TCF4: variants seen among roughly 807,000 people sequenced by gnomAD.
TCF4 encodes SL3-3 enhancer factor 2.
TCF4 carries 3 observed loss-of-function variants against 82.1 expected under a neutral mutation model. The observed-to-expected ratio is 0.04, with a 90% confidence interval of 0.02 to 0.09. TCF4 has a LOEUF of 0.09. Among genes scored for constraint, TCF4 ranks in the 10% least tolerant of loss-of-function variants. The pLI is 1.00. For missense variants in TCF4, 518 were observed against 852.7 expected, an observed-to-expected ratio of 0.61 and a Z score of 4.89; for synonymous variants, 276 against 309.6, an observed-to-expected ratio of 0.89 and a Z score of 1.14.
At chr18:55,305,720 C>T (rs951614871) in intron 8 of TCF4, among the ~76,000 whole-genome samples, 1 of 152,188 alleles carries the variant, frequency 6.6e-6, no homozygotes, top group Admixed American at 6.5e-5. Flanking sequence ...TCCTCTGCCC[C>T]AGTTTTCAGC....
chr18:55,473,090 T>A (rs1359228512), intron 3 of TCF4, among the ~76,000 whole-genome samples: 1 of 152,232 alleles, frequency 6.6e-6, no homozygotes, highest in Non-Finnish European at 1.5e-5. Context: ...ACTTCAGATA[T>A]ACAAACTGGT....
intron 2 of TCF4, among the ~76,000 whole-genome samples, chr18:55,597,666 CAA>C (rs1044304302): frequency 7.9e-6 from 1 of 126,992 alleles, no homozygotes; most frequent in Admixed American, 8.0e-5. Flanking sequence ...GACTCTGTCT[CAA>C]AAAAAAAAAG....
intron 3 of TCF4, among the ~76,000 whole-genome samples, chr18:55,568,909 T>C (rs1859017576): frequency 6.6e-6 from 1 of 152,166 alleles, no homozygotes; most frequent in African/African-American, 2.4e-5. Flanking sequence ...ATTAATTTCA[T>C]CCACAAAATG....
intron 2 of TCF4, among the ~76,000 whole-genome samples, chr18:55,622,503 T>TAAAA (rs765415861): frequency 1.8e-5 from 2 of 110,568 alleles, no homozygotes; most frequent in Non-Finnish European, 1.9e-5. Flanking sequence ...GACTCAATCT[T>TAAAA]AAAAAAAAAA....
At chr18:55,586,130 A>G in intron 2 of TCF4, 1 of 1,442,418 alleles carries the variant, frequency 6.9e-7, no homozygotes, top group Admixed American at 2.1e-5. Flanking sequence ...GAGGAGGAGG[A>G]GGAGAAGGAG....
intron 3 of TCF4, among the ~76,000 whole-genome samples, chr18:55,571,493 T>TA (rs1215534134): frequency 6.6e-6 from 1 of 152,184 alleles, no homozygotes; most frequent in African/African-American, 2.4e-5. Flanking sequence ...CTCCAGTACT[T>TA]ATGTTGGTGG....
chr18:55,619,091 C>T (rs2097715124), intron 2 of TCF4, among the ~76,000 whole-genome samples: 1 of 151,996 alleles, frequency 6.6e-6, no homozygotes, highest in Non-Finnish European at 1.5e-5. Flanking sequence ...GCAAAGCTAT[C>T]TGGATTTGTG....
rs2046378592 is a variant in TCF4 at position 55,224,814 on chromosome 18, T to C, written c.*3221A>G. 1 of 152,584 alleles carries C rather than the reference T, an allele frequency of 6.6e-6. No individual in the cohort carries two copies. The highest frequency in any genetic ancestry group is 2.4e-5 in the African/African-American group (1 of 41,440). 9.5% of individuals were successfully genotyped at this position (152,584 alleles called of 1,614,324 possible). The stretch of plus-strand genomic sequence containing the variant: ...GATGAACAGATCCCTATTCTGCATA[T>C]TCATAAATTACTTGAATGTGGAGGT... On this transcript the variant is annotated 3_prime_UTR_variant, in exon 20 of 20. Transcript: ENST00000354452.
rs145918969 is a variant in TCF4 at position 55,479,824 on chromosome 18, T to C, written c.146-15687A>G. On this transcript the variant is annotated intron_variant, in intron 3 of 19. Coordinates refer to ENST00000354452, the MANE Select transcript of TCF4 (RefSeq NM_001083962.2). Reference sequence around the variant, plus strand: ...CCAGCAATTAGCATACCCTGACTAATGCATCTTCCAAAACAGACTTCCGTG... The same window carrying C: ...CCAGCAATTAGCATACCCTGACTAACGCATCTTCCAAAACAGACTTCCGTG... Among the ~76,000 whole-genome samples the C allele has an allele frequency of 4.6e-5, 7 of 152,314 alleles. No homozygotes were observed. In the East Asian group the frequency reaches 1.4e-3, roughly 29 times the overall value.
chr18:55,560,948 C>A (rs978953446), intron 3 of TCF4, among the ~76,000 whole-genome samples: 1 of 152,152 alleles, frequency 6.6e-6, no homozygotes, highest in African/African-American at 2.4e-5. Context: ...CATTAGATTC[C>A]CAAAGCATTC....
intron 8 of TCF4, among the ~76,000 whole-genome samples, chr18:55,306,492 T>C (rs2147101403): frequency 6.6e-6 from 1 of 152,324 alleles, no homozygotes; most frequent in Non-Finnish European, 1.5e-5. Context: ...TAAGCTACAT[T>C]AGTCCAAGAA....
chr18:55,270,408 A>C (rs1301555050), intron 10 of TCF4, among the ~76,000 whole-genome samples: 1 of 152,170 alleles, frequency 6.6e-6, no homozygotes, highest in African/African-American at 2.4e-5. Context: ...TTGAAACTAA[A>C]TGGCAAAGAC....
chr18:55,242,754 C>T (rs1788017), intron 15 of TCF4, among the ~76,000 whole-genome samples: 11,374 of 151,976 alleles, frequency 0.075, 1,429 homozygotes, highest in African/African-American at 0.26. Flanking sequence ...GGATTACAGG[C>T]GTGCACCTTT....
chr18:55,577,094 T>A lies in TCF4; in HGVS notation c.145+8186A>T, dbSNP rs556306350. Among the ~76,000 whole-genome samples the A allele has an allele frequency of 8.2e-5, 12 of 146,462 alleles. No individual in the cohort carries two copies. In the East Asian group the frequency reaches 2.3e-3, roughly 29 times the overall value. ...ATATATATATATATTATATATACATTTATATATTTATATATGTATATATAC... is the reference window on the plus strand; with the variant it reads ...ATATATATATATATTATATATACATATATATATTTATATATGTATATATAC... On this transcript the variant is annotated intron_variant, in intron 3 of 19. Transcript: ENST00000354452.
At chr18:55,622,881 C>CTGTGTGTGTGTGTGTGTG (rs1168157065) in intron 2 of TCF4, among the ~76,000 whole-genome samples, 55 of 149,730 alleles carry the variant, frequency 3.7e-4, no homozygotes, top group Middle Eastern at 3.4e-3. Flanking sequence ...TTTCTCCACT[C>CTGTGTGTGTGTGTGTGTG]TGTGTGTGTG....
At chr18:55,430,186 TATCTC>T (rs2095142880) in intron 5 of TCF4, among the ~76,000 whole-genome samples, 1 of 152,188 alleles carries the variant, frequency 6.6e-6, no homozygotes, top group African/African-American at 2.4e-5. Context: ...CAGGCACTCT[TATCTC>T]TATCAATCAC....
At position 55,577,025 on chromosome 18, in the gene TCF4, T is replaced by A. The variant is rs1313233455; in HGVS notation, c.145+8255A>T. On this transcript the variant is annotated intron_variant, in intron 3 of 19. Transcript: ENST00000354452. ...TCTCTCTTCCATAAAGCCCTCTATG[T>A]CCTCTAATTGCTAACATGGAGATAT... Among the ~76,000 whole-genome samples the A allele has an allele frequency of 2.0e-5, 3 of 149,734 alleles. No individual in the cohort carries two copies. The Admixed American group carries it at 2.0e-4, about 10-fold the overall frequency.
At chr18:55,451,356 C>T (rs530569918) in intron 5 of TCF4, among the ~76,000 whole-genome samples, 6 of 152,292 alleles carry the variant, frequency 3.9e-5, no homozygotes, top group African/African-American at 1.4e-4. Flanking sequence ...GTGGGCCAGG[C>T]TGGCATCCCT....
At chr18:55,425,596 C>G (rs1442286883) in intron 5 of TCF4, among the ~76,000 whole-genome samples, 1 of 151,560 alleles carries the variant, frequency 6.6e-6, no homozygotes, top group African/African-American at 2.4e-5. Flanking sequence ...ATGAGTATAT[C>G]TTTTCCTCAA....
Sources: gnomAD v4.1 joint callset for allele counts (sites outside exome capture counted in the v4.1 genomes callset) on GRCh38, gnomAD v4.1.1 for gene constraint, MANE v1.5 for transcripts, NCBI Gene and HGNC (gene_info 2026-07-23, HGNC 2026-07-21) for gene names.